IQCJ: variants seen among roughly 807,000 people sequenced by gnomAD.
IQCJ encodes IQ domain-containing protein J.
Under a neutral mutation model 11.0 loss-of-function variants are expected in IQCJ, and 9 were observed. The ratio of observed to expected loss-of-function variants is 0.82; its 90% CI spans 0.49 to 1.43. The LOEUF is 1.43. Among genes scored for constraint, IQCJ ranks in the 40% most tolerant of loss-of-function variants. The probability of loss-of-function intolerance (pLI) is 0.00; values close to 1 mark genes in which losing one functional copy is unlikely to be tolerated. For synonymous variants in IQCJ, 55 were observed against 51.3 expected (o/e 1.07, Z -0.31); for missense variants, 146 against 133.2 (o/e 1.10, Z -0.47).
chr3:159,092,112 C>A (rs1717355897), intron 1 of IQCJ, among the ~76,000 whole-genome samples: 1 of 151,826 alleles, frequency 6.6e-6, no homozygotes, highest in South Asian at 2.1e-4. Flanking sequence ...CCTTCCCCAA[C>A]CTAGCATCAC....
At chr3:159,266,182 A>T (rs1309487892), downstream of IQCJ, 1 of 152,182 alleles carries the variant, frequency 6.6e-6, no homozygotes, top group Non-Finnish European at 1.5e-5. Flanking sequence ...AGAGATAACT[A>T]CCTTTTCTTG....
chr3:159,091,657 CACACACACACACGCAT>C (rs1300813488), intron 1 of IQCJ, among the ~76,000 whole-genome samples: 2 of 59,386 alleles, frequency 3.4e-5, no homozygotes, highest in East Asian at 2.3e-3. Flanking sequence ...TACACACACA[CACACACACACACGCAT>C]GCACACACAC....
chr3:159,069,625 A>C (rs948040171), intron 1 of IQCJ, 184 bp downstream of exon 1: 2 of 744,128 alleles, frequency 2.7e-6, no homozygotes, highest in Non-Finnish European at 4.3e-6. Flanking sequence ...TAATGTAGGC[A>C]TGTGTGCATA....
Position 159,234,678 on chromosome 3 carries a change from A to T in IQCJ, c.10-11165A>T, listed in dbSNP as rs561107081. Among the ~76,000 whole-genome samples, 4 of 152,280 alleles carry T rather than the reference A, an allele frequency of 2.6e-5. No individual in the cohort carries two copies. In the East Asian group the frequency reaches 7.7e-4, roughly 29 times the overall value. On this transcript the variant is annotated intron_variant, in intron 1 of 3. Transcript: ENST00000397832. ...ATTGTTGAATATGTACTTAAAGAAA[A>T]GCAATTAGGCAGCACAATGAAATAG... is the stretch of plus-strand genomic sequence containing the variant.
chr3:159,121,918 C>G (rs1314705978), intron 1 of IQCJ, among the ~76,000 whole-genome samples: 1 of 152,188 alleles, frequency 6.6e-6, no homozygotes, highest in Non-Finnish European at 1.5e-5. Context: ...AATAACATTT[C>G]TTATTATACA....
At chr3:159,228,147 G>A (rs958871527) in intron 1 of IQCJ, among the ~76,000 whole-genome samples, 2 of 152,094 alleles carry the variant, frequency 1.3e-5, no homozygotes, top group Admixed American at 6.5e-5. Flanking sequence ...ATTTCCACTT[G>A]GTTTTTAGAT....
In IQCJ at chr3:159,073,992, T is replaced by A. The variant is rs1435296506; in HGVS notation, c.9+4551T>A. ...ATATGGAGGAAGCAGAATCAGATGA[T>A]TTGGAGGTGATTAGAAGGAATGGGG... On this transcript the variant is annotated intron_variant, in intron 1 of 3. Transcript: ENST00000397832. Among the ~76,000 whole-genome samples, 4 of 152,172 alleles carry A rather than the reference T, an allele frequency of 2.6e-5. No homozygotes were observed. In the South Asian group the frequency reaches 8.3e-4, roughly 32 times the overall value.
intron 1 of IQCJ, among the ~76,000 whole-genome samples, chr3:159,133,000 T>G (rs955339167): frequency 3.3e-5 from 5 of 152,232 alleles, no homozygotes; most frequent in African/African-American, 1.2e-4. Flanking sequence ...TAATATTTGG[T>G]TTCAGTTTTT....
At chr3:159,083,100 A>G (rs933114415) in intron 1 of IQCJ, among the ~76,000 whole-genome samples, 1 of 152,100 alleles carries the variant, frequency 6.6e-6, no homozygotes, top group Non-Finnish European at 1.5e-5. Flanking sequence ...AAAGAAGAAA[A>G]CTGTCAAATT....
intron 1 of IQCJ, among the ~76,000 whole-genome samples, chr3:159,166,078 C>T (rs961712029): frequency 2.6e-5 from 4 of 151,802 alleles, no homozygotes; most frequent in African/African-American, 9.7e-5. Flanking sequence ...TTTTCTCCAG[C>T]AGGTGGAAAT....
intron 1 of IQCJ, among the ~76,000 whole-genome samples, chr3:159,239,303 A>T (rs1726769953): frequency 6.6e-6 from 1 of 152,202 alleles, no homozygotes; most frequent in Non-Finnish European, 1.5e-5. Context: ...CCTTATGTTT[A>T]ATATGATTTC....
At chr3:159,185,817 C>T (rs1416749381) in intron 1 of IQCJ, among the ~76,000 whole-genome samples, 1 of 152,052 alleles carries the variant, frequency 6.6e-6, no homozygotes, top group South Asian at 2.1e-4. Flanking sequence ...ATCTGGCTTC[C>T]CCAGAGCAGG....
At chr3:159,106,156 T>C (rs1463555171) in intron 1 of IQCJ, among the ~76,000 whole-genome samples, 1 of 152,114 alleles carries the variant, frequency 6.6e-6, no homozygotes, top group Non-Finnish European at 1.5e-5. Context: ...GTGAATTGAC[T>C]ACAGGGGAAT....
chr3:159,152,007 C>T (rs890758218), intron 1 of IQCJ, among the ~76,000 whole-genome samples: 2 of 152,192 alleles, frequency 1.3e-5, no homozygotes, highest in African/African-American at 4.8e-5. Flanking sequence ...TCCCACTACC[C>T]TTCCCAGCCA....
chr3:159,161,831 A>C (rs1036795443), intron 1 of IQCJ, among the ~76,000 whole-genome samples: 16 of 152,218 alleles, frequency 1.1e-4, no homozygotes, highest in South Asian at 2.1e-4. Context: ...GTCAAAGATC[A>C]GATAGCTGTA....
At chr3:159,143,866 A>G (rs1202980057) in intron 1 of IQCJ, among the ~76,000 whole-genome samples, 1 of 152,236 alleles carries the variant, frequency 6.6e-6, no homozygotes, top group African/African-American at 2.4e-5. Context: ...CTACAAGACA[A>G]AAGATCAAAG....
chr3:159,195,668 A>C (rs1167806478), intron 1 of IQCJ, among the ~76,000 whole-genome samples: 1 of 152,220 alleles, frequency 6.6e-6, no homozygotes, highest in Non-Finnish European at 1.5e-5. Flanking sequence ...TTAAGTACTC[A>C]GCCTGATTCT....
rs1385579419 is a variant in IQCJ, at chr3:159,108,110, G to T, written c.9+38669G>T. ...AGAGAGGATATTACTCCCTAGTTCA[G>T]GTTAGTGAAAAGAGAATTTGCACAA... On this transcript the variant is annotated intron_variant, in intron 1 of 3. Transcript: ENST00000397832. Among the ~76,000 whole-genome samples the T allele has an allele frequency of 2.0e-5, 3 of 151,890 alleles. No homozygotes were observed. The East Asian group carries it at 5.8e-4, about 29-fold the overall frequency.
intron 2 of IQCJ, among the ~76,000 whole-genome samples, chr3:159,250,810 C>G (rs906242956): frequency 1.3e-5 from 2 of 152,174 alleles, no homozygotes; most frequent in African/African-American, 4.8e-5. Flanking sequence ...CAGATCATAT[C>G]ACTTTCTATG....
Sources: gnomAD v4.1 joint callset for allele counts (sites outside exome capture counted in the v4.1 genomes callset) on GRCh38, gnomAD v4.1.1 for gene constraint, MANE v1.5 for transcripts, NCBI Gene and HGNC (gene_info 2026-07-23, HGNC 2026-07-21) for gene names.